Variants in KCNIP4 observed in about 807,000 individuals in gnomAD.
KCNIP4 encodes potassium voltage-gated channel interacting protein 4, also known as Kv channel-interacting protein 4.
A neutral mutation model predicts 34.0 loss-of-function variants in KCNIP4; 12 were observed. The ratio of observed to expected loss-of-function variants is 0.35; its 90% CI spans 0.23 to 0.57. The LOEUF is 0.57. KCNIP4 is among the 20% of genes least tolerant of loss of function. KCNIP4 has a pLI of 0.83. For synonymous variants in KCNIP4, 124 were observed against 102.2 expected, an observed-to-expected ratio of 1.21 and a Z score of -1.29; for missense variants, 238 against 311.7, an observed-to-expected ratio of 0.76 and a Z score of 1.78.
At position 21,128,542 on chromosome 4, in the gene KCNIP4, C is replaced by T. The variant is rs116112658; in HGVS notation, c.62-245833G>A. Among the ~76,000 whole-genome samples the T allele has an allele frequency of 6.5e-3, 996 of 152,268 alleles. 15 individuals are homozygous for T. The highest frequency in any genetic ancestry group is 0.023 in the African/African-American group (950 of 41,554). On this transcript the variant is annotated intron_variant, in intron 1 of 8. Transcript: ENST00000382152. ...TGCCTCCATAAGAGATTATAAGGCA[C>T]CAAAAGTGCAGATGTCTCTATTCTA... is the stretch of plus-strand genomic sequence containing the variant.
chr4:21,217,433 A>G (rs1323553453), intron 1 of KCNIP4, among the ~76,000 whole-genome samples: 2 of 152,208 alleles, frequency 1.3e-5, no homozygotes, highest in African/African-American at 4.8e-5. Flanking sequence ...AGAATTTTCA[A>G]GGTCAGAAAG....
At chr4:21,288,575 G>A (rs1763254700) in intron 1 of KCNIP4, among the ~76,000 whole-genome samples, 1 of 152,130 alleles carries the variant, frequency 6.6e-6, no homozygotes, top group African/African-American at 2.4e-5. Flanking sequence ...AACTCTATAA[G>A]ATAAATACTA....
intron 1 of KCNIP4, among the ~76,000 whole-genome samples, chr4:21,485,180 A>C (rs1220889815): frequency 1.3e-5 from 2 of 152,164 alleles, no homozygotes; most frequent in East Asian, 3.9e-4. Flanking sequence ...ATTATAGATA[A>C]ATACTGCAAC....
intron 1 of KCNIP4, among the ~76,000 whole-genome samples, chr4:21,802,687 T>G (rs1444926351): frequency 6.6e-6 from 1 of 152,142 alleles, no homozygotes; most frequent in African/African-American, 2.4e-5. Context: ...TCTCTGAACA[T>G]GCTTTTGAAG....
rs1464647253 is a variant in KCNIP4 at position 20,791,591 on chromosome 4, AC to A, written c.289-32702del. Among the ~76,000 whole-genome samples, 4 of 152,326 alleles carry A rather than the reference AC, an allele frequency of 2.6e-5. No homozygotes were observed. The South Asian group carries it at 6.2e-4, about 24-fold the overall frequency. On this transcript the variant is annotated intron_variant, in intron 3 of 8. Coordinates refer to ENST00000382152, the MANE Select transcript of KCNIP4 (RefSeq NM_025221.6). The stretch of plus-strand genomic sequence containing the variant: ...TGAAGAAATATAATATCATTTAATG[AC>A]AGACTGTGAAAAGTTAAAGATGTTT...
chr4:21,135,636 T>C (rs186417926), intron 1 of KCNIP4, among the ~76,000 whole-genome samples: 5 of 152,344 alleles, frequency 3.3e-5, no homozygotes, highest in Non-Finnish European at 5.9e-5. Flanking sequence ...ATACGTACAA[T>C]CTATTCTACT....
At chr4:21,361,554 A>G (rs1719224442) in intron 1 of KCNIP4, among the ~76,000 whole-genome samples, 1 of 152,086 alleles carries the variant, frequency 6.6e-6, no homozygotes, top group Admixed American at 6.6e-5. Flanking sequence ...ATCCTGCTAA[A>G]GTTTACTTTG....
At chr4:21,709,071 TA>T (rs1713509559) in intron 1 of KCNIP4, among the ~76,000 whole-genome samples, 1 of 152,292 alleles carries the variant, frequency 6.6e-6, no homozygotes, top group African/African-American at 2.4e-5. Flanking sequence ...TATTTGTGTA[TA>T]TTTTTTAAGG....
At chr4:21,096,270 C>T (rs1412991818) in intron 1 of KCNIP4, among the ~76,000 whole-genome samples, 1 of 152,132 alleles carries the variant, frequency 6.6e-6, no homozygotes, top group Non-Finnish European at 1.5e-5. Context: ...CATCTTTGCT[C>T]TATTTCACTT....
At chr4:21,732,108 C>T (rs961816663) in intron 1 of KCNIP4, among the ~76,000 whole-genome samples, 9 of 151,514 alleles carry the variant, frequency 5.9e-5, no homozygotes, top group African/African-American at 2.2e-4. Flanking sequence ...GGTACACTTA[C>T]TTCTTCAGTT....
intron 1 of KCNIP4, among the ~76,000 whole-genome samples, chr4:21,862,290 AG>A (rs1332454220): frequency 1.3e-5 from 2 of 152,348 alleles, no homozygotes; most frequent in African/African-American, 4.8e-5. Flanking sequence ...GGGAGACCAC[AG>A]GCAGGACCTC....
intron 1 of KCNIP4, among the ~76,000 whole-genome samples, chr4:20,888,421 G>C (rs1253829727): frequency 6.6e-6 from 1 of 152,094 alleles, no homozygotes; most frequent in Non-Finnish European, 1.5e-5. Context: ...GATGCATTTA[G>C]AATGTACATA....
At chr4:20,805,134 G>A (rs982648545) in intron 3 of KCNIP4, among the ~76,000 whole-genome samples, 3 of 149,124 alleles carry the variant, frequency 2.0e-5, no homozygotes, top group Admixed American at 6.7e-5. Flanking sequence ...TAGGCAAAAG[G>A]AAGTTTTCAG....
chr4:21,484,957 G>A (rs536078844), intron 1 of KCNIP4, among the ~76,000 whole-genome samples: 3 of 152,178 alleles, frequency 2.0e-5, no homozygotes, highest in South Asian at 2.1e-4. Flanking sequence ...ATAATTTTTC[G>A]TTGAATAAAT....
intron 1 of KCNIP4, among the ~76,000 whole-genome samples, chr4:20,986,020 T>A (rs940366233): frequency 5.9e-5 from 9 of 152,182 alleles, no homozygotes; most frequent in Admixed American, 5.2e-4. Flanking sequence ...ATGTAAGAAT[T>A]AACTAAGTCT....
intron 1 of KCNIP4, among the ~76,000 whole-genome samples, chr4:20,948,708 A>G (rs1050986587): frequency 6.6e-6 from 1 of 152,218 alleles, no homozygotes; most frequent in African/African-American, 2.4e-5. Flanking sequence ...CAACAATATC[A>G]GAATCACTGT....
chr4:20,896,331 A>G (rs1038012974), intron 1 of KCNIP4, among the ~76,000 whole-genome samples: 2 of 152,194 alleles, frequency 1.3e-5, no homozygotes, highest in African/African-American at 4.8e-5. Context: ...GGACATTGTA[A>G]CTGGTTTGAA....
chr4:20,967,975 T>A (rs565602480), intron 1 of KCNIP4, among the ~76,000 whole-genome samples: 21 of 152,048 alleles, frequency 1.4e-4, no homozygotes, highest in Non-Finnish European at 2.5e-4. Context: ...AAAGAAACTA[T>A]CATCAGAGTG....
At chr4:21,562,334 A>G (rs1488053452) in intron 1 of KCNIP4, among the ~76,000 whole-genome samples, 1 of 152,034 alleles carries the variant, frequency 6.6e-6, no homozygotes, top group Non-Finnish European at 1.5e-5. Flanking sequence ...AGTGACTATC[A>G]TCAACATTTA....
Sources: gnomAD v4.1 joint callset for allele counts (sites outside exome capture counted in the v4.1 genomes callset) on GRCh38, gnomAD v4.1.1 for gene constraint, MANE v1.5 for transcripts, NCBI Gene and HGNC (gene_info 2026-07-23, HGNC 2026-07-21) for gene names.